Variants in LPP observed in about 807,000 individuals in gnomAD.
LPP encodes the protein lipoma-preferred partner.
Under a neutral mutation model 60.4 loss-of-function variants are expected in LPP, and 38 were observed. The observed-to-expected ratio is 0.63, with a 90% confidence interval of 0.49 to 0.83. The LOEUF is 0.83. Ranked by LOEUF, LPP falls within the 40% of genes least tolerant of loss-of-function variation. LPP has a pLI of 0.00. For synonymous variants in LPP, 328 were observed against 290.8 expected (o/e 1.13, Z -1.30); for missense variants, 902 against 783.6 (o/e 1.15, Z -1.80).
Position 188,276,902 on chromosome 3 carries a change from T to C in LPP, c.-67+51375T>C, listed in dbSNP as rs1027618896. Reference sequence around the variant, plus strand: ...ACCACTTCTTTTCTTTTCTTTTTTTTTTTTTTTTTTTTTTTTTGGAGAGAC... The same window carrying C: ...ACCACTTCTTTTCTTTTCTTTTTTTCTTTTTTTTTTTTTTTTTGGAGAGAC... On this transcript the variant is annotated intron_variant, in intron 2 of 11. Coordinates refer to ENST00000617246, the MANE Select transcript of LPP (RefSeq NM_001375462.1). Among the ~76,000 whole-genome samples, 46 of 132,362 alleles carry C rather than the reference T, an allele frequency of 3.5e-4. 1 individual carries two copies. The highest frequency in any genetic ancestry group is 1.3e-3 in the African/African-American group (43 of 33,598). 86.8% of individuals were successfully genotyped at this position (132,362 alleles called of 152,430 possible).
intron 5 of LPP, among the ~76,000 whole-genome samples, chr3:188,503,994 G>T (rs1267585785): frequency 6.6e-6 from 1 of 152,120 alleles, no homozygotes; most frequent in Non-Finnish European, 1.5e-5. Flanking sequence ...AAATTTGGGG[G>T]AGTTTTTGGT....
rs1770490592 is a variant in LPP, at chr3:188,884,967, T to C, written c.*10488T>C. Reference sequence around the variant, plus strand: ...TTCCCAGGATGCTGTCATTTTGTGATTTTTTATAATTACAAGGAATTTGGT... The same window carrying C: ...TTCCCAGGATGCTGTCATTTTGTGACTTTTTATAATTACAAGGAATTTGGT... On this transcript the variant is annotated 3_prime_UTR_variant, in exon 12 of 12. Transcript: ENST00000617246. 4.6e-6 allele frequency: 1 copy of C among 215,242 alleles called. No homozygotes were observed. Among genetic ancestry groups the C allele is most frequent in the South Asian group, 1.9e-4 (1 of 5,368 alleles). The allele number at this position is 215,242 out of a possible 1,614,324, so 13.3% of individuals were successfully genotyped here.
chr3:188,645,087 A>G (rs1426756525), intron 7 of LPP, among the ~76,000 whole-genome samples: 2 of 152,230 alleles, frequency 1.3e-5, no homozygotes, highest in African/African-American at 2.4e-5. Context: ...CTTCTGGAAA[A>G]TAGTATGTAC....
chr3:188,313,800 T>C (rs191205946), intron 2 of LPP, among the ~76,000 whole-genome samples: 21 of 152,202 alleles, frequency 1.4e-4, no homozygotes, highest in African/African-American at 3.9e-4. Context: ...CCTTCTTTGA[T>C]GTTCCCAGGA....
chr3:188,806,193 A>T (rs1749081176), intron 9 of LPP, among the ~76,000 whole-genome samples: 1 of 151,774 alleles, frequency 6.6e-6, no homozygotes, highest in African/African-American at 2.4e-5. Flanking sequence ...GCATAATTGT[A>T]GGTTTGTCTA....
intron 2 of LPP, among the ~76,000 whole-genome samples, chr3:188,332,659 A>G (rs1191792344): frequency 1.3e-5 from 2 of 152,226 alleles, no homozygotes; most frequent in African/African-American, 2.4e-5. Context: ...AAAGTGATAA[A>G]ACAATATGGT....
At chr3:188,400,502 T>C (rs529542662) in intron 3 of LPP, among the ~76,000 whole-genome samples, 66 of 152,284 alleles carry the variant, frequency 4.3e-4, no homozygotes, top group African/African-American at 1.3e-3. Flanking sequence ...TTATTGTCAG[T>C]CTCTAGTCTT....
intron 7 of LPP, among the ~76,000 whole-genome samples, chr3:188,621,919 C>T (rs920487304): frequency 3.9e-5 from 6 of 152,104 alleles, no homozygotes; most frequent in African/African-American, 7.2e-5. Flanking sequence ...TCTGGCCACC[C>T]GAAGTGCTGG....
chr3:188,558,844 T>C (rs1358665092), intron 6 of LPP, among the ~76,000 whole-genome samples: 2 of 152,128 alleles, frequency 1.3e-5, no homozygotes, highest in African/African-American at 4.8e-5. Flanking sequence ...TATTAACTTA[T>C]TTCATTTCTG....
intron 9 of LPP, among the ~76,000 whole-genome samples, chr3:188,855,638 C>T (rs754518648): frequency 1.3e-5 from 2 of 152,166 alleles, no homozygotes; most frequent in African/African-American, 4.8e-5. Context: ...TTACTGAGCT[C>T]CTTCTCTGTG....
chr3:188,317,247 C>A (rs1443069530), intron 2 of LPP, among the ~76,000 whole-genome samples: 1 of 135,318 alleles, frequency 7.4e-6, no homozygotes, highest in South Asian at 2.4e-4. Context: ...TTTTTTTTTT[C>A]TCTGTATCTA....
chr3:188,551,718 G>C (rs999780936), intron 6 of LPP, among the ~76,000 whole-genome samples: 1 of 152,144 alleles, frequency 6.6e-6, no homozygotes, highest in African/African-American at 2.4e-5. Flanking sequence ...GTGTGTTGCG[G>C]AAGATGGTGA....
At chr3:188,371,249 TG>T (rs1351431979) in intron 3 of LPP, among the ~76,000 whole-genome samples, 37 of 152,106 alleles carry the variant, frequency 2.4e-4, no homozygotes, top group African/African-American at 8.2e-4. Flanking sequence ...TGACCCACTA[TG>T]GGGGTCATTA....
At chr3:188,240,067 T>C (rs1723405524) in intron 2 of LPP, 1 of 197,744 alleles carries the variant, frequency 5.1e-6, no homozygotes, top group Non-Finnish European at 1.0e-5. Context: ...ATCTCTGGTA[T>C]TGCTGTCCTG....
intron 2 of LPP, among the ~76,000 whole-genome samples, chr3:188,311,464 C>A (rs1753376868): frequency 6.9e-6 from 1 of 145,476 alleles, no homozygotes; most frequent in Non-Finnish European, 1.5e-5. Context: ...TGGAGCGAGA[C>A]CCTATCTCTA....
chr3:188,753,451 T>C (rs1728742108), intron 8 of LPP, among the ~76,000 whole-genome samples: 1 of 152,108 alleles, frequency 6.6e-6, no homozygotes, highest in South Asian at 2.1e-4. Context: ...TTAGACTTTA[T>C]AACAACTTCC....
chr3:188,239,499 T>C (rs1452309885), intron 2 of LPP, among the ~76,000 whole-genome samples: 1 of 152,176 alleles, frequency 6.6e-6, no homozygotes, highest in East Asian at 1.9e-4. Context: ...TTATATCACC[T>C]TTTCTTACTA....
chr3:188,451,468 T>C (rs1325517661), intron 4 of LPP, among the ~76,000 whole-genome samples: 2 of 152,210 alleles, frequency 1.3e-5, no homozygotes, highest in African/African-American at 4.8e-5. Context: ...CTTCACATTT[T>C]TCAATATTTA....
At chr3:188,338,017 G>C (rs1762123765) in intron 2 of LPP, among the ~76,000 whole-genome samples, 1 of 152,146 alleles carries the variant, frequency 6.6e-6, no homozygotes, top group Non-Finnish European at 1.5e-5. Context: ...TCCATTGATA[G>C]AGCCCTTATA....
Sources: allele counts gnomAD v4.1 joint callset (sites outside exome capture counted in the v4.1 genomes callset), GRCh38; gene constraint gnomAD v4.1.1; transcripts MANE v1.5; gene names NCBI Gene and HGNC (gene_info 2026-07-23, HGNC 2026-07-21).